Variants in MYO16 observed in about 807,000 individuals in gnomAD.
The protein encoded by MYO16 is myosin XVI.
In MYO16, 94 loss-of-function variants were observed where a neutral mutation model predicts 205.3. That is an observed-to-expected ratio of 0.46 (90% confidence interval 0.39 to 0.54). The LOEUF (loss-of-function observed/expected upper bound fraction) is 0.54. MYO16 is among the 20% of genes least tolerant of loss of function. The probability of loss-of-function intolerance (pLI) is 0.00; values close to 1 mark genes in which losing one functional copy is unlikely to be tolerated. For synonymous variants in MYO16, 988 were observed against 954.0 expected, an observed-to-expected ratio of 1.04 and a Z score of -0.66; for missense variants, 2,315 against 2,387.5, an observed-to-expected ratio of 0.97 and a Z score of 0.63.
chr13:108,942,636 G>A (rs75963964), intron 16 of MYO16, among the ~76,000 whole-genome samples: 100 of 152,024 alleles, frequency 6.6e-4, no homozygotes, highest in East Asian at 4.4e-3. Flanking sequence ...CTGTAATTTC[G>A]TCTTTACAGA....
At chr13:108,757,649 G>T (rs9559400) in intron 4 of MYO16, among the ~76,000 whole-genome samples, 6,410 of 151,924 alleles carry the variant, frequency 0.042, 272 homozygotes, top group East Asian at 0.24. Context: ...CCCACAACAG[G>T]CCCCAGTGTG....
At chr13:108,852,523 A>T (rs1472987675) in intron 10 of MYO16, among the ~76,000 whole-genome samples, 3 of 152,202 alleles carry the variant, frequency 2.0e-5, no homozygotes, top group Admixed American at 6.5e-5. Context: ...CAAAATTTTA[A>T]AAAAATGTTA....
intron 14 of MYO16, among the ~76,000 whole-genome samples, chr13:108,896,167 C>G (rs926229763): frequency 6.6e-6 from 1 of 152,102 alleles, no homozygotes; most frequent in African/African-American, 2.4e-5. Flanking sequence ...CATTACTTAT[C>G]AGACACAACA....
At chr13:109,001,079 A>G (rs937632914) in intron 21 of MYO16, among the ~76,000 whole-genome samples, 1 of 151,870 alleles carries the variant, frequency 6.6e-6, no homozygotes, top group Non-Finnish European at 1.5e-5. Flanking sequence ...ATTTATATTT[A>G]CTTAAAATTT....
chr13:108,595,617 G>C (rs187915780), upstream of MYO16, among the ~76,000 whole-genome samples: 107 of 152,168 alleles, frequency 7.0e-4, no homozygotes, highest in African/African-American at 2.5e-3. Context: ...TAGACAGTCA[G>C]CCCCCTCTCC....
At chr13:109,183,579 C>A (rs947008122) in intron 34 of MYO16, among the ~76,000 whole-genome samples, 2 of 152,222 alleles carry the variant, frequency 1.3e-5, no homozygotes, top group Admixed American at 1.3e-4. Context: ...ACCACCTTTT[C>A]TTCATGCCTT....
At chr13:109,084,624 T>G (rs181408419) in intron 27 of MYO16, among the ~76,000 whole-genome samples, 1 of 152,306 alleles carries the variant, frequency 6.6e-6, no homozygotes, top group East Asian at 1.9e-4. Context: ...CTCACTTTAT[T>G]AAGTATACAT....
chr13:108,703,976 C>G (rs1883405055), intron 2 of MYO16, among the ~76,000 whole-genome samples: 1 of 152,156 alleles, frequency 6.6e-6, no homozygotes, highest in African/African-American at 2.4e-5. Flanking sequence ...CAAGTTTGGA[C>G]ACGCACAGTG....
chr13:108,778,601 AG>A (rs1364659347), intron 4 of MYO16, among the ~76,000 whole-genome samples: 1 of 149,836 alleles, frequency 6.7e-6, no homozygotes, highest in Non-Finnish European at 1.5e-5. Flanking sequence ...CCTGAGTGAC[AG>A]GGCGAGACTC....
chr13:108,519,230 G>A, the MYO16 span, among the ~76,000 whole-genome samples: 1 of 152,142 alleles, frequency 6.6e-6, no homozygotes, highest in Non-Finnish European at 1.5e-5. Flanking sequence ...CATCGCAGAT[G>A]GCTCCAGGTC....
intron 18 of MYO16, 71 bp downstream of exon 18, chr13:108,961,727 G>T: frequency 1.6e-6 from 2 of 1,234,078 alleles, no homozygotes; most frequent in Non-Finnish European, 2.4e-6. Context: ...AGTAGATGGC[G>T]ACATAGTACA....
rs566362471 is a variant in MYO16 at position 109,105,337 on chromosome 13, T to C, written c.3438+4450T>C. On this transcript the variant is annotated intron_variant, in intron 28 of 34. Transcript: ENST00000457511. ...AATACAAAAAAATAGCCAGGGATGGTCGTGGGCGCCTGTAATTCCAGCTAC... is the reference window on the plus strand; with the variant it reads ...AATACAAAAAAATAGCCAGGGATGGCCGTGGGCGCCTGTAATTCCAGCTAC... 1.5e-4 allele frequency among the ~76,000 whole-genome samples: 23 copies of C among 152,250 alleles called. No homozygotes were observed. The South Asian group carries it at 4.1e-3, about 27-fold the overall frequency.
At chr13:108,499,206 C>T in the MYO16 span, among the ~76,000 whole-genome samples, 3 of 152,032 alleles carry the variant, frequency 2.0e-5, no homozygotes. Context: ...TTTCAGACAA[C>T]GCAAAATTAT....
chr13:108,880,587 C>T (rs943526674), intron 12 of MYO16, among the ~76,000 whole-genome samples: 4 of 152,116 alleles, frequency 2.6e-5, no homozygotes, highest in African/African-American at 9.7e-5. Context: ...ATATGGCTAG[C>T]CAGTTTTCCC....
intron 28 of MYO16, among the ~76,000 whole-genome samples, chr13:109,109,848 G>A (rs1349506865): frequency 1.3e-5 from 2 of 152,206 alleles, no homozygotes; most frequent in Admixed American, 1.3e-4. Flanking sequence ...CCACAGGACA[G>A]ACATATGCAG....
At chr13:108,549,836 T>A in the MYO16 span, among the ~76,000 whole-genome samples, 1 of 152,236 alleles carries the variant, frequency 6.6e-6, no homozygotes, top group South Asian at 2.1e-4. Flanking sequence ...TAAAAGACCC[T>A]AATATGTTTC....
intron 6 of MYO16, among the ~76,000 whole-genome samples, chr13:108,795,822 A>G (rs958150151): frequency 6.6e-6 from 1 of 152,228 alleles, no homozygotes; most frequent in Non-Finnish European, 1.5e-5. Flanking sequence ...TCCTAGTAAT[A>G]AATGCAAGGG....
intron 4 of MYO16, among the ~76,000 whole-genome samples, chr13:108,739,104 G>T (rs934394423): frequency 6.6e-6 from 1 of 152,144 alleles, no homozygotes; most frequent in Admixed American, 6.6e-5. Context: ...GCCAGTCTGT[G>T]TCTTTTAATT....
At chr13:108,596,037 C>T (rs2139291425), upstream of MYO16, 1 of 147,678 alleles carries the variant, frequency 6.8e-6, no homozygotes, top group African/African-American at 2.5e-5. Flanking sequence ...GATGTGTTTT[C>T]TGGAATGACT....
Sources: allele counts gnomAD v4.1 joint callset (sites outside exome capture counted in the v4.1 genomes callset), GRCh38; gene constraint gnomAD v4.1.1; transcripts MANE v1.5; gene names NCBI Gene and HGNC (gene_info 2026-07-23, HGNC 2026-07-21).